Variants in ZFHX3 observed in about 807,000 individuals in gnomAD.
ZFHX3 encodes the protein zinc finger homeobox 3.
Under a neutral mutation model 279.1 loss-of-function variants are expected in ZFHX3, and 42 were observed. The ratio of observed to expected loss-of-function variants is 0.15; its 90% confidence interval spans 0.12 to 0.19. ZFHX3 has a LOEUF of 0.19. Among genes scored for constraint, ZFHX3 ranks in the 10% least tolerant of loss-of-function variants. The pLI, the probability that ZFHX3 is intolerant of heterozygous loss-of-function variation, is 1.00. For synonymous variants in ZFHX3, 2,293 were observed against 1,957.8 expected (o/e 1.17, Z -4.52); for missense variants, 4,981 against 4,754.0 (o/e 1.05, Z -1.40).
At chr16:72,877,190 G>T (rs117704653) in intron 4 of ZFHX3, among the ~76,000 whole-genome samples, 12 of 152,132 alleles carry the variant, frequency 7.9e-5, no homozygotes, top group African/African-American at 2.4e-5. Flanking sequence ...GCACAGGTCC[G>T]CAGGGAATCA....
chr16:73,016,948 G>A (rs1482800995), intron 1 of ZFHX3, among the ~76,000 whole-genome samples: 2 of 151,910 alleles, frequency 1.3e-5, no homozygotes, highest in Non-Finnish European at 2.9e-5. Context: ...TAAGGGGGCT[G>A]GGCGCAGTGG....
chr16:73,395,450 T>C (rs1376778209), intron 3 of ZFHX3, among the ~76,000 whole-genome samples: 1 of 151,830 alleles, frequency 6.6e-6, no homozygotes, highest in Non-Finnish European at 1.5e-5. Context: ...GGTGACAAAG[T>C]GAGGATCTGT....
chr16:73,585,910 T>C (rs2051921240), intron 2 of ZFHX3, among the ~76,000 whole-genome samples: 1 of 151,896 alleles, frequency 6.6e-6, no homozygotes, highest in Non-Finnish European at 1.5e-5. Flanking sequence ...ACTTCCAAAG[T>C]AGTAGTAGAA....
intron 1 of ZFHX3, among the ~76,000 whole-genome samples, chr16:73,030,003 G>A (rs757129130): frequency 6.6e-6 from 1 of 152,098 alleles, no homozygotes; most frequent in Non-Finnish European, 1.5e-5. Flanking sequence ...CAAACTCTTA[G>A]GCATGTTTTG....
intron 8 of ZFHX3, among the ~76,000 whole-genome samples, chr16:73,071,541 C>T (rs1009439656): frequency 1.3e-5 from 2 of 152,142 alleles, no homozygotes; most frequent in Non-Finnish European, 2.9e-5. Flanking sequence ...GGCTGCTCAG[C>T]ATCCTCCCAG....
intron 1 of ZFHX3, among the ~76,000 whole-genome samples, chr16:73,808,804 A>ATAG (rs1960352094): frequency 6.6e-6 from 1 of 152,232 alleles, no homozygotes; most frequent in South Asian, 2.1e-4. Context: ...AAGGGAGCAT[A>ATAG]TAGTATGCAG....
At chr16:73,747,926 T>G (rs138770598) in intron 1 of ZFHX3, among the ~76,000 whole-genome samples, 1 of 152,224 alleles carries the variant, frequency 6.6e-6, no homozygotes, top group Non-Finnish European at 1.5e-5. Context: ...ATCAAAGATC[T>G]ATACCCTCGC....
At chr16:73,112,492 C>T (rs529445412) in intron 7 of ZFHX3, among the ~76,000 whole-genome samples, 1 of 152,078 alleles carries the variant, frequency 6.6e-6, no homozygotes, top group African/African-American at 2.4e-5. Context: ...GTGGGTGGAT[C>T]ACCTGAGGTC....
intron 7 of ZFHX3, among the ~76,000 whole-genome samples, chr16:73,102,395 C>T (rs1182287606): frequency 1.3e-5 from 2 of 152,152 alleles, no homozygotes; most frequent in Non-Finnish European, 2.9e-5. Context: ...CTATTTCTTC[C>T]ACTAGGCTTG....
chr16:73,500,447 CCT>C (rs2019216713), intron 2 of ZFHX3, among the ~76,000 whole-genome samples: 1 of 152,070 alleles, frequency 6.6e-6, no homozygotes, highest in Non-Finnish European at 1.5e-5. Context: ...TCCACCTCAG[CCT>C]CCTGAGTAGC....
chr16:73,429,613 A>G (rs1254734166), intron 3 of ZFHX3, among the ~76,000 whole-genome samples: 3 of 152,144 alleles, frequency 2.0e-5, no homozygotes, highest in Non-Finnish European at 4.4e-5. Flanking sequence ...GATCACGGGC[A>G]TGAGCCACCG....
rs74398317 is a variant in ZFHX3, at chr16:73,817,034, A to T, written c.-1608+74617T>A. On this transcript the variant is annotated intron_variant, in intron 1 of 17. Coordinates refer to the ZFHX3 transcript ENST00000641206. ...ACATAATGGTATGAGTAAGGGAGACAGTAGGAAAGGTGGAGCTATGTGACT... is the reference window on the plus strand; with the variant it reads ...ACATAATGGTATGAGTAAGGGAGACTGTAGGAAAGGTGGAGCTATGTGACT... Among the ~76,000 whole-genome samples the T allele has an allele frequency of 6.0e-3, 917 of 152,308 alleles. 11 individuals are homozygous for T. Among genetic ancestry groups the T allele is most frequent in the African/African-American group, 0.021 (884 of 41,562 alleles).
chr16:73,740,783 G>A (rs1403342261), intron 1 of ZFHX3, among the ~76,000 whole-genome samples: 1 of 152,152 alleles, frequency 6.6e-6, no homozygotes, highest in Non-Finnish European at 1.5e-5. Context: ...GTAAATGTGT[G>A]AAGAAAGCAG....
chr16:73,676,596 A>G (rs34348731), intron 2 of ZFHX3, among the ~76,000 whole-genome samples: 13,443 of 152,004 alleles, frequency 0.088, 784 homozygotes, highest in Middle Eastern at 0.13. Context: ...AAGAAAATAT[A>G]AAGAAAGCAA....
chr16:72,927,418 C>T (rs976098583), intron 3 of ZFHX3, among the ~76,000 whole-genome samples: 5 of 152,176 alleles, frequency 3.3e-5, no homozygotes, highest in African/African-American at 9.7e-5. Context: ...TGCTCCAGGC[C>T]GTGCCCCCTT....
chr16:72,887,775 G>GGT (rs985375486), intron 4 of ZFHX3, among the ~76,000 whole-genome samples: 14 of 151,588 alleles, frequency 9.2e-5, no homozygotes, highest in African/African-American at 2.9e-4. Context: ...GTATACAGGG[G>GGT]GTGTGTGTGT....
intron 1 of ZFHX3, among the ~76,000 whole-genome samples, chr16:73,812,878 C>G (rs1960462586): frequency 6.6e-6 from 1 of 152,222 alleles, no homozygotes; most frequent in African/African-American, 2.4e-5. Context: ...CAGCCTTAAT[C>G]TCCTTATGCC....
rs2035312853 is a variant in ZFHX3 at position 72,785,259 on chromosome 16, G to GTGTT, written c.*1901_*1904dup. 6.6e-6 allele frequency: 1 copy of GTGTT among 152,662 alleles called. No homozygotes were observed. The highest frequency in any genetic ancestry group is 6.5e-5 in the Admixed American group (1 of 15,292). The allele number at this position is 152,662 out of a possible 1,614,324, so 9.5% of individuals were successfully genotyped here. On this transcript the variant is annotated 3_prime_UTR_variant, in exon 10 of 10. Transcript: ENST00000268489. ...TTTCTTTTTACATGAGAAAGGGTGT[G>GTGTT]TGTTAACAGGAATATGGATATTAAC...
At chr16:73,771,087 G>C (rs16972540) in intron 1 of ZFHX3, among the ~76,000 whole-genome samples, 1,608 of 152,270 alleles carry the variant, frequency 0.011, 32 homozygotes, top group African/African-American at 0.037. Flanking sequence ...AAGCTCCTTG[G>C]AACACAAAGG....
Sources: allele counts gnomAD v4.1 joint callset (sites outside exome capture counted in the v4.1 genomes callset), GRCh38; gene constraint gnomAD v4.1.1; transcripts MANE v1.5; gene names NCBI Gene and HGNC (gene_info 2026-07-23, HGNC 2026-07-21).